Variants in PDE7B observed in about 807,000 individuals in gnomAD.
The protein encoded by PDE7B is 3',5'-cyclic-AMP phosphodiesterase 7B.
Under a neutral mutation model 56.2 loss-of-function variants are expected in PDE7B, and 29 were observed. The observed-to-expected ratio is 0.52, with a 90% CI of 0.38 to 0.70. The LOEUF is 0.70. PDE7B is among the 30% of genes least tolerant of loss of function. The probability of loss-of-function intolerance (pLI) is 0.00; values close to 1 mark genes in which losing one functional copy is unlikely to be tolerated. For missense variants in PDE7B, 490 were observed against 565.0 expected (o/e 0.87, Z 1.35); for synonymous variants, 197 against 196.9 (o/e 1.00, Z 0.00).
intron 1 of PDE7B, among the ~76,000 whole-genome samples, chr6:135,865,834 T>C (rs1010803606): frequency 1.3e-5 from 2 of 152,182 alleles, no homozygotes; most frequent in African/African-American, 4.8e-5. Flanking sequence ...GGTTGGCACT[T>C]AATAAGAAGT....
At chr6:136,023,874 C>T (rs1267970540) in intron 2 of PDE7B, among the ~76,000 whole-genome samples, 3 of 152,142 alleles carry the variant, frequency 2.0e-5, no homozygotes, top group African/African-American at 4.8e-5. Flanking sequence ...AAAATCACTA[C>T]TTTCGTGCCC....
chr6:136,133,794 G>C (rs1198443458), intron 3 of PDE7B, among the ~76,000 whole-genome samples: 1 of 152,114 alleles, frequency 6.6e-6, no homozygotes. Flanking sequence ...CAGGAGCCCA[G>C]GAGGAAATAC....
At chr6:135,970,014 A>T (rs559341592) in intron 2 of PDE7B, among the ~76,000 whole-genome samples, 31 of 152,312 alleles carry the variant, frequency 2.0e-4, no homozygotes, top group Admixed American at 2.0e-3. Flanking sequence ...GTGCAAAAAA[A>T]GTGACCTTTC....
At chr6:136,185,288 T>C (rs1258321860) in intron 11 of PDE7B, among the ~76,000 whole-genome samples, 1 of 152,152 alleles carries the variant, frequency 6.6e-6, no homozygotes, top group African/African-American at 2.4e-5. Flanking sequence ...TTCAGCTCAA[T>C]GGTTAAGTGC....
intron 1 of PDE7B, among the ~76,000 whole-genome samples, chr6:135,926,234 C>A (rs1317126915): frequency 6.6e-6 from 1 of 151,814 alleles, no homozygotes; most frequent in Non-Finnish European, 1.5e-5. Context: ...CTACAGGCAC[C>A]CGCCACCACG....
chr6:136,154,186 A>T lies in PDE7B; in HGVS notation c.579+11A>T. ...CTGAAAGAGCCAAAGGTAAGACAAG[A>T]CCCAGCTGCCTCCTCAGCCACCTGG... is the stretch of plus-strand genomic sequence containing the variant. On this transcript the variant is annotated intron_variant, in intron 7 of 12. Transcript: ENST00000308191. 2 of 1,585,282 alleles carry T rather than the reference A, an allele frequency of 1.3e-6. No individual in the cohort carries two copies. The highest frequency in any genetic ancestry group is 1.1e-5 in the South Asian group (1 of 90,174).
intron 1 of PDE7B, among the ~76,000 whole-genome samples, chr6:135,875,260 C>G (rs907866514): frequency 1.3e-5 from 2 of 151,530 alleles, no homozygotes; most frequent in African/African-American, 4.8e-5. Context: ...GCTATTCATC[C>G]TTTTTTTGTT....
intron 1 of PDE7B, among the ~76,000 whole-genome samples, chr6:135,934,748 A>ATTTT (rs1774361327): frequency 8.3e-6 from 1 of 120,064 alleles, no homozygotes; most frequent in African/African-American, 3.2e-5. Context: ...AAATATATAT[A>ATTTT]TATATATTTT....
At chr6:135,920,642 C>T (rs909720177) in intron 1 of PDE7B, among the ~76,000 whole-genome samples, 2 of 152,210 alleles carry the variant, frequency 1.3e-5, no homozygotes, top group African/African-American at 4.8e-5. Context: ...GTAATTACAT[C>T]AAGTTATCAA....
intron 2 of PDE7B, among the ~76,000 whole-genome samples, chr6:135,983,312 T>G (rs1175125112): frequency 6.6e-6 from 1 of 152,198 alleles, no homozygotes; most frequent in Admixed American, 6.5e-5. Context: ...CCAAGGGCAG[T>G]GACCAAAGAG....
At chr6:136,060,738 A>G (rs931982939) in intron 2 of PDE7B, among the ~76,000 whole-genome samples, 1 of 152,218 alleles carries the variant, frequency 6.6e-6, no homozygotes, top group African/African-American at 2.4e-5. Flanking sequence ...GGCTTTGTAC[A>G]GTATCTGCCA....
intron 2 of PDE7B, among the ~76,000 whole-genome samples, chr6:136,068,384 T>C (rs1776982595): frequency 6.8e-6 from 1 of 147,686 alleles, no homozygotes; most frequent in African/African-American, 2.5e-5. Context: ...TAGAAGGGAG[T>C]GCCTGGGTTA....
At chr6:135,880,119 A>G (rs767244606) in intron 1 of PDE7B, among the ~76,000 whole-genome samples, 1 of 152,032 alleles carries the variant, frequency 6.6e-6, no homozygotes, top group Non-Finnish European at 1.5e-5. Context: ...CACCCCACAA[A>G]CCACATCCTG....
At chr6:136,006,305 T>A (rs1418561382) in intron 2 of PDE7B, among the ~76,000 whole-genome samples, 3 of 151,686 alleles carry the variant, frequency 2.0e-5, no homozygotes, top group African/African-American at 7.3e-5. Context: ...TGTATACATA[T>A]GTAACTAACC....
chr6:136,190,126 C>T (rs1344022852), intron 12 of PDE7B, among the ~76,000 whole-genome samples: 7 of 152,218 alleles, frequency 4.6e-5, no homozygotes, highest in Admixed American at 4.6e-4. Flanking sequence ...AATATCTCAT[C>T]TCTTTGAAGG....
chr6:136,104,246 G>C (rs1777610075), intron 2 of PDE7B, among the ~76,000 whole-genome samples: 2 of 152,144 alleles, frequency 1.3e-5, no homozygotes, highest in Admixed American at 1.3e-4. Flanking sequence ...AACACAATAA[G>C]AACAGACTGG....
At chr6:135,931,434 C>A (rs114639963) in intron 1 of PDE7B, among the ~76,000 whole-genome samples, 5,940 of 152,180 alleles carry the variant, frequency 0.039, 160 homozygotes, top group Middle Eastern at 0.078. Flanking sequence ...GATTTAGATG[C>A]AGAAATGTTT....
At chr6:136,102,964 A>T (rs1008231599) in intron 2 of PDE7B, among the ~76,000 whole-genome samples, 1 of 152,194 alleles carries the variant, frequency 6.6e-6, no homozygotes, top group Non-Finnish European at 1.5e-5. Context: ...TGATTTTTAT[A>T]TGCAAATCAA....
rs562461502 is a variant in PDE7B at position 136,082,261 on chromosome 6, G to A, written c.83-26470G>A. Among the ~76,000 whole-genome samples the A allele has an allele frequency of 9.9e-5, 15 of 152,252 alleles. No homozygotes were observed. In the East Asian group the frequency reaches 1.5e-3, roughly 16 times the overall value. On this transcript the variant is annotated intron_variant, in intron 2 of 12. Transcript: ENST00000308191. ...TGGAGCTGTTGCCTCCTGTTTTTCA[G>A]TTGCCTCTCCCATTGGGCATTGCTG...
Sources: gnomAD v4.1 joint callset for allele counts (sites outside exome capture counted in the v4.1 genomes callset) on GRCh38, gnomAD v4.1.1 for gene constraint, MANE v1.5 for transcripts, NCBI Gene and HGNC (gene_info 2026-07-23, HGNC 2026-07-21) for gene names.